Variants in PRKAR1A observed in about 807,000 individuals in gnomAD.
PRKAR1A encodes the protein cAMP-dependent protein kinase type I-alpha regulatory subunit.
PRKAR1A carries 3 observed loss-of-function variants against 52.0 expected under a neutral mutation model. That is an observed-to-expected ratio of 0.06 (90% CI 0.03 to 0.15). The LOEUF (loss-of-function observed/expected upper bound fraction) is 0.15, where lower values mean the gene tolerates loss of function less well. Ranked by LOEUF, PRKAR1A falls within the 10% of genes least tolerant of loss-of-function variation. The pLI is 1.00. For missense variants in PRKAR1A, 240 were observed against 477.4 expected (o/e 0.50, Z 4.63); for synonymous variants, 188 against 168.4 (o/e 1.12, Z -0.90).
At chr17:68,457,405 G>A in the PRKAR1A span, 3 of 1,523,694 alleles carry the variant, frequency 2.0e-6, no homozygotes, top group South Asian at 1.2e-5. Flanking sequence ...GGGAGCGTCC[G>A]CGGCCTCGGC....
intron 11 of PRKAR1A, among the ~76,000 whole-genome samples, chr17:68,538,931 C>T (rs755092220): frequency 4.6e-5 from 7 of 152,094 alleles, no homozygotes; most frequent in Admixed American, 3.3e-4. Context: ...TATCCTTAAG[C>T]GCAGGTTTTG....
Position 68,531,844 on chromosome 17 carries a change from G to A in PRKAR1A, c.*1395G>A. The A allele has an allele frequency of 9.7e-7, 1 of 1,034,962 alleles. No individual in the cohort carries two copies. Among genetic ancestry groups the A allele is most frequent in the Non-Finnish European group, 1.2e-6 (1 of 851,482 alleles). 64.1% of individuals were successfully genotyped at this position (1,034,962 alleles called of 1,614,324 possible). Reference sequence around the variant, plus strand: ...TTATTTTTTTAAACAAAATTTCACAGTTCTGTAATGTAGGCACTTTTATTT... The same window carrying A: ...TTATTTTTTTAAACAAAATTTCACAATTCTGTAATGTAGGCACTTTTATTT... On this transcript the variant is annotated 3_prime_UTR_variant, in exon 11 of 11. Transcript: ENST00000589228.
the PRKAR1A span, among the ~76,000 whole-genome samples, chr17:68,480,339 G>C: frequency 4.6e-5 from 7 of 152,142 alleles, no homozygotes; most frequent in Non-Finnish European, 8.8e-5. Context: ...TGAGTTATGG[G>C]AAGGACCTTC....
Position 68,525,795 on chromosome 17 carries a change from A to G in PRKAR1A, c.591A>G (p.Gly197=), listed in dbSNP as rs991638429. Reference sequence around the variant, plus strand: ...AATGGGCAACCAGTGTTGGGGAAGGAGGGAGCTTTGGAGAACTTGCTTTGA... The same window carrying G: ...AATGGGCAACCAGTGTTGGGGAAGGGGGGAGCTTTGGAGAACTTGCTTTGA... ...NNEWATSVGE[G]GSFGELALIY... is the part of the protein sequence containing the mutation. The change falls in exon 7 of 11, where the codon GGA becomes GGG. Residue 197 remains glycine (G), a synonymous_variant. Transcript: ENST00000589228. 6.2e-7 allele frequency: 1 copy of G among 1,613,934 alleles called. No individual in the cohort carries two copies. Among genetic ancestry groups the G allele is most frequent in the South Asian group, 1.1e-5 (1 of 91,072 alleles).
chr17:68,426,252 G>GGGGGT, the PRKAR1A span: 8 of 828,168 alleles, frequency 9.7e-6, 1 homozygote, highest in Admixed American at 4.7e-5. Flanking sequence ...TGGGGAGCGG[G>GGGGGT]GGCTCAAATA....
rs186231741 is a variant in PRKAR1A, at chr17:68,547,188, G to A, written c.974-3896G>A. Among the ~76,000 whole-genome samples the A allele has an allele frequency of 2.4e-4, 37 of 152,236 alleles. No individual in the cohort carries two copies. The East Asian group carries it at 4.4e-3, about 18-fold the overall frequency. On this transcript the variant is annotated intron_variant, in intron 11 of 11. Transcript: ENST00000585981. ...CCTGAGGATGTTTTGAATGGTAATT[G>A]AGCATTGGCTTCAACTTAAGTTCCC...
At chr17:68,523,032 T>G (rs1276829468) in intron 3 of PRKAR1A, 106 bp downstream of exon 3, 1 of 1,351,732 alleles carries the variant, frequency 7.4e-7, no homozygotes, top group Non-Finnish European at 1.0e-6. Flanking sequence ...GGGTGGAACT[T>G]CATCCATCCT....
chr17:68,541,549 G>A, intron 11 of PRKAR1A: 1 of 191,298 alleles, frequency 5.2e-6, no homozygotes, highest in South Asian at 1.1e-4. Flanking sequence ...TATGTGCCAG[G>A]GAGGGTGCTA....
Position 68,528,826 on chromosome 17 carries a change from G to A in PRKAR1A, c.770-44G>A, listed in dbSNP as rs2085873976. 3.1e-6 allele frequency: 5 copies of A among 1,609,500 alleles called. 1 individual carries two copies. Among genetic ancestry groups the A allele is most frequent in the Admixed American group, 3.3e-5 (2 of 60,000 alleles). On this transcript the variant is annotated intron_variant, in intron 8 of 10. Coordinates refer to ENST00000589228, the MANE Select transcript of PRKAR1A (RefSeq NM_002734.5). ...ATACTTTCTTTTTACCTTTATAACA[G>A]CACCAAATAATACAGAGCAGTTATT...
the PRKAR1A span, chr17:68,457,393 G>T: frequency 5.9e-6 from 9 of 1,534,208 alleles, no homozygotes; most frequent in Non-Finnish European, 7.9e-6. Context: ...AACCCCGCCC[G>T]GGGGAGCGTC....
chr17:68,517,492 C>T (rs2085469322), intron 2 of PRKAR1A, among the ~76,000 whole-genome samples: 1 of 152,190 alleles, frequency 6.6e-6, no homozygotes, highest in Non-Finnish European at 1.5e-5. Flanking sequence ...CTTCACATGG[C>T]AGCAGCAAGG....
intron 2 of PRKAR1A, among the ~76,000 whole-genome samples, chr17:68,517,131 A>C (rs2085459157): frequency 6.6e-6 from 1 of 152,218 alleles, no homozygotes; most frequent in Non-Finnish European, 1.5e-5. Context: ...GAATTTTTAG[A>C]TTTAATGTGT....
At chr17:68,536,790 T>C, downstream of PRKAR1A, 1 of 454,090 alleles carries the variant, frequency 2.2e-6, no homozygotes, top group Non-Finnish European at 4.4e-6. Flanking sequence ...TAGTGTGACA[T>C]ATTTGATGTT....
Position 68,531,616 on chromosome 17 carries a change from T to C in PRKAR1A, c.*1167T>C, listed in dbSNP as rs2085977748. The C allele has an allele frequency of 3.8e-6, 4 of 1,066,418 alleles. No individual in the cohort carries two copies. Among genetic ancestry groups the C allele is most frequent in the Non-Finnish European group, 3.4e-6 (3 of 879,684 alleles). The allele number at this position is 1,066,418 out of a possible 1,614,324, so 66.1% of individuals were successfully genotyped here. A position where few individuals can be genotyped will look rare whatever the true frequency, so the allele number is the denominator to read the frequency against. Reference sequence around the variant, plus strand: ...TTTCTGGTGGGTTGATGGTAGGGTATAATGTGTCTGTGTTGCTTCAAATTG... The same window carrying C: ...TTTCTGGTGGGTTGATGGTAGGGTACAATGTGTCTGTGTTGCTTCAAATTG... On this transcript the variant is annotated 3_prime_UTR_variant, in exon 11 of 11. Coordinates refer to ENST00000589228, the MANE Select transcript of PRKAR1A (RefSeq NM_002734.5).
At chr17:68,435,704 G>A in the PRKAR1A span, 1 of 1,614,216 alleles carries the variant, frequency 6.2e-7, no homozygotes, top group Non-Finnish European at 8.5e-7. Flanking sequence ...CAATAGTGCA[G>A]ACTGTTTTCT....
chr17:68,499,368 A>AAGAGAGAGAGAGAGAGAGAGAGAGAG, the PRKAR1A span, among the ~76,000 whole-genome samples: 3 of 140,490 alleles, frequency 2.1e-5, no homozygotes, highest in Admixed American at 1.5e-4. Flanking sequence ...AAGGGAGGAA[A>AAGAGAGAGAGAGAGAGAGAGAGAGAG]AGAGAGAGAG....
At chr17:68,487,197 C>G in the PRKAR1A span, among the ~76,000 whole-genome samples, 1 of 152,134 alleles carries the variant, frequency 6.6e-6, no homozygotes, top group African/African-American at 2.4e-5. Context: ...ATAAGACATT[C>G]ATGTACACAC....
intron 11 of PRKAR1A, chr17:68,540,951 C>T (rs1012688874): frequency 1.3e-6 from 2 of 1,588,418 alleles, no homozygotes; most frequent in South Asian, 1.1e-5. Context: ...AGGGGATTGA[C>T]CTCCCACCTG....
At chr17:68,453,279 A>G in the PRKAR1A span, among the ~76,000 whole-genome samples, 2 of 152,196 alleles carry the variant, frequency 1.3e-5, no homozygotes, top group African/African-American at 4.8e-5. Flanking sequence ...TCTAGCAGAC[A>G]TGTTTTTCCC....
Sources: gnomAD v4.1 joint callset for allele counts (sites outside exome capture counted in the v4.1 genomes callset) on GRCh38, gnomAD v4.1.1 for gene constraint, MANE v1.5 for transcripts, NCBI Gene and HGNC (gene_info 2026-07-23, HGNC 2026-07-21) for gene names.